Variants in PLCH1 observed in about 807,000 individuals in gnomAD.
PLCH1 encodes the protein 1-phosphatidylinositol 4,5-bisphosphate phosphodiesterase eta-1.
PLCH1 carries 60 observed loss-of-function variants against 126.7 expected under a neutral mutation model. That is an observed-to-expected ratio of 0.47 (90% CI 0.38 to 0.59). The LOEUF (loss-of-function observed/expected upper bound fraction) is 0.59. PLCH1 is among the 20% of genes least tolerant of loss of function. The pLI is 0.00. For synonymous variants in PLCH1, 719 were observed against 734.9 expected, an observed-to-expected ratio of 0.98 and a Z score of 0.35; for missense variants, 1,723 against 2,040.0, an observed-to-expected ratio of 0.84 and a Z score of 2.99.
At chr3:155,726,596 T>G (rs1008478462) in intron 1 of PLCH1, among the ~76,000 whole-genome samples, 1 of 152,316 alleles carries the variant, frequency 6.6e-6, no homozygotes, top group East Asian at 1.9e-4. Flanking sequence ...TTTTTATTGA[T>G]CCTTGAAAAT....
At chr3:155,618,350 T>C (rs1240698451) in intron 2 of PLCH1, among the ~76,000 whole-genome samples, 1 of 152,184 alleles carries the variant, frequency 6.6e-6, no homozygotes, top group African/African-American at 2.4e-5. Context: ...ATAGAATTGC[T>C]ACTACCTCTT....
intron 21 of PLCH1, among the ~76,000 whole-genome samples, chr3:155,469,090 G>A (rs1010779374): frequency 2.0e-5 from 3 of 152,138 alleles, no homozygotes; most frequent in Non-Finnish European, 4.4e-5. Context: ...GGCCGAATAG[G>A]AACAGCTCCG....
At chr3:155,561,251 T>C (rs1440060556) in intron 8 of PLCH1, among the ~76,000 whole-genome samples, 4 of 151,046 alleles carry the variant, frequency 2.6e-5, no homozygotes, top group Admixed American at 2.6e-4. Context: ...CATCTAGCAT[T>C]AGGTATATCT....
chr3:155,483,254 G>A, intron 22 of PLCH1: 1 of 954,924 alleles, frequency 1.0e-6, no homozygotes, highest in Non-Finnish European at 1.6e-6. Flanking sequence ...TTTCACTGGA[G>A]CTTCCCTTTG....
chr3:155,545,307 C>A (rs1301575711), intron 10 of PLCH1, among the ~76,000 whole-genome samples: 4 of 151,060 alleles, frequency 2.6e-5, no homozygotes, highest in African/African-American at 9.7e-5. Context: ...ATAAATTCCT[C>A]GACACATACA....
At chr3:155,547,729 T>C (rs1251857000) in intron 10 of PLCH1, among the ~76,000 whole-genome samples, 2 of 151,906 alleles carry the variant, frequency 1.3e-5, no homozygotes, top group African/African-American at 2.4e-5. Context: ...GATGAGTTCA[T>C]GTCCTTTGTA....
rs151146236 is a variant in PLCH1 at position 155,505,875 on chromosome 3, C to T, written c.1633-1249G>A. ...AAGTAGCTACATTTCCTTTAGCAAG[C>T]CTCTTCTCTTGGTCCGCTTTTTTTT... On this transcript the variant is annotated intron_variant, in intron 12 of 22. Coordinates refer to ENST00000460012, the MANE Select transcript of PLCH1 (RefSeq NM_014996.4). 3.8e-3 allele frequency among the ~76,000 whole-genome samples: 578 copies of T among 151,270 alleles called. 1 individual carries two copies. The highest frequency in any genetic ancestry group is 5.9e-3 in the Non-Finnish European group (402 of 67,904).
At chr3:155,526,846 A>T (rs1418820958) in intron 10 of PLCH1, among the ~76,000 whole-genome samples, 1 of 152,224 alleles carries the variant, frequency 6.6e-6, no homozygotes, top group East Asian at 1.9e-4. Flanking sequence ...AGCAATAGAT[A>T]CCTAACGTAA....
intron 6 of PLCH1, among the ~76,000 whole-genome samples, chr3:155,581,764 G>C (rs1475281527): frequency 1.4e-5 from 1 of 70,154 alleles, no homozygotes; most frequent in African/African-American, 4.4e-5. Flanking sequence ...TTTTTTTTTT[G>C]AGACGGAGTT....
At position 155,482,968 on chromosome 3, in the gene PLCH1, A is replaced by G. The variant is rs1560047199; in HGVS notation, c.3058T>C (p.Ser1020Pro). The change falls in exon 23 of 23, where the codon TCC (serine) becomes CCC (proline). Residue 1020 changes from serine (S) to proline (P), a missense_variant. By Grantham distance (74) the Ser-to-Pro change is moderately conservative. Transcript: ENST00000460012. ...FLNFNKKLSSSSSALLHKDTS... is the reference protein window; with the variant it reads ...FLNFNKKLSSPSSALLHKDTS... The stretch of plus-strand genomic sequence containing the variant: ...TCTTTGTGGAGCAGAGCACTGGAGG[A>G]GGATGATAACTTTTTGTTGAAATTT... The G allele has an allele frequency of 6.2e-7, 1 of 1,613,954 alleles. No homozygotes were observed. Among genetic ancestry groups the G allele is most frequent in the Non-Finnish European group, 8.5e-7 (1 of 1,179,834 alleles).
chr3:155,710,152 G>A (rs755982388), intron 1 of PLCH1, among the ~76,000 whole-genome samples: 3 of 151,940 alleles, frequency 2.0e-5, no homozygotes, highest in Admixed American at 6.6e-5. Context: ...CACACCTGGC[G>A]AATTTTTGTA....
chr3:155,732,233 C>G (rs1748826733), intron 1 of PLCH1, among the ~76,000 whole-genome samples: 1 of 151,906 alleles, frequency 6.6e-6, no homozygotes, highest in Non-Finnish European at 1.5e-5. Flanking sequence ...TTTTAAAAGT[C>G]AAATTCTGGA....
intron 6 of PLCH1, among the ~76,000 whole-genome samples, chr3:155,581,839 T>C (rs1350561966): frequency 6.6e-6 from 1 of 151,588 alleles, no homozygotes; most frequent in Non-Finnish European, 1.5e-5. Flanking sequence ...CTCCGCCTCT[T>C]GGGTTCGTTC....
rs746570852 is a variant in PLCH1, at chr3:155,492,813, G to A, written c.2223C>T (p.Asn741=). ...NPFSGDPLPA[N]PKKQLILKVI... ...CTTTCAGGATGAGCTGCTTTTTGGGGTTGGCAGGAAGAGGGTCACCAGAGA... is the reference window on the plus strand; with the variant it reads ...CTTTCAGGATGAGCTGCTTTTTGGGATTGGCAGGAAGAGGGTCACCAGAGA... Residue 741 remains asparagine, a synonymous_variant, in exon 18 of 23, where the codon AAC becomes AAT. Coordinates refer to ENST00000460012, the MANE Select transcript of PLCH1 (RefSeq NM_014996.4). 6.2e-7 allele frequency: 1 copy of A among 1,604,722 alleles called. No homozygotes were observed. The highest frequency in any genetic ancestry group is 8.5e-7 in the Non-Finnish European group (1 of 1,175,980).
At chr3:155,463,828 A>G (rs192259510) in intron 21 of PLCH1, among the ~76,000 whole-genome samples, 1 of 152,320 alleles carries the variant, frequency 6.6e-6, no homozygotes, top group East Asian at 1.9e-4. Flanking sequence ...CACCACACAC[A>G]CAAAAAATGG....
rs138591416 is a variant in PLCH1 at position 155,482,451 on chromosome 3, A to G, written c.3575T>C (p.Ile1192Thr). Reference sequence around the variant, plus strand: ...ATTGTTGGTCTCATCAAACTGGCCAATCAGGGCTGAGATGGAACTGCCCGG... The same window carrying G: ...ATTGTTGGTCTCATCAAACTGGCCAGTCAGGGCTGAGATGGAACTGCCCGG... ...NEPGSSISAL[I>T]GQFDETNNQA... Residue 1192 changes from isoleucine (I) to threonine (T), a missense_variant, in exon 23 of 23, where the codon ATT becomes ACT. Ile to Thr is a moderately conservative substitution (Grantham distance 89). Around this residue, in one of 2 missense-constraint regions of PLCH1, gnomAD observed 947 missense variants for 977.1 expected, o/e 0.97. Coordinates refer to ENST00000460012, the MANE Select transcript of PLCH1 (RefSeq NM_014996.4). 351 of 1,614,194 alleles carry G rather than the reference A, an allele frequency of 2.2e-4. No individual in the cohort carries two copies. Among genetic ancestry groups the G allele is most frequent in the Middle Eastern group, 2.0e-3 (12 of 6,062 alleles).
chr3:155,610,684 C>G (rs1195172176), intron 2 of PLCH1, among the ~76,000 whole-genome samples: 1 of 152,074 alleles, frequency 6.6e-6, no homozygotes, highest in African/African-American at 2.4e-5. Flanking sequence ...CACTACCACA[C>G]CAGCACTACA....
intron 17 of PLCH1, 36 bp from the exon 18 acceptor site, chr3:155,492,889 A>C: frequency 1.3e-6 from 2 of 1,538,712 alleles, no homozygotes; most frequent in Middle Eastern, 3.5e-4. Flanking sequence ...TAACATAAGA[A>C]GAAACACACA....
chr3:155,741,067 A>C (rs1749586587), intron 1 of PLCH1, among the ~76,000 whole-genome samples: 1 of 152,126 alleles, frequency 6.6e-6, no homozygotes. Context: ...GAAGACAGAG[A>C]TCTTGATGAT....
Sources: gnomAD v4.1 joint callset for allele counts (sites outside exome capture counted in the v4.1 genomes callset) on GRCh38, gnomAD v4.1.1 for gene constraint, gnomAD v4.1.1 regional missense constraint, MANE v1.5 for transcripts, NCBI Gene and HGNC (gene_info 2026-07-23, HGNC 2026-07-21) for gene names.